The following GOLIM4 variants were observed in gnomAD, a reference collection of about 807,000 sequenced individuals.
GOLIM4 encodes the protein 130 kDa golgi-localized phosphoprotein.
In GOLIM4, 71 loss-of-function variants were observed where a neutral mutation model predicts 107.4. The observed-to-expected ratio is 0.66, with a 90% CI of 0.55 to 0.81. GOLIM4 has a LOEUF of 0.81. GOLIM4 is among the 30% of genes least tolerant of loss of function. GOLIM4 has a pLI of 0.00. For synonymous variants in GOLIM4, 327 were observed against 294.8 expected (o/e 1.11, Z -1.12); for missense variants, 830 against 826.1 (o/e 1.00, Z -0.06).
chr3:168,033,416 T>TA (rs908325228), intron 8 of GOLIM4, among the ~76,000 whole-genome samples: 3 of 149,688 alleles, frequency 2.0e-5, no homozygotes, highest in Non-Finnish European at 3.0e-5. Context: ...CCATCCTGGC[T>TA]AACACAGTGA....
chr3:168,030,567 A>T (rs1015495876), intron 9 of GOLIM4, among the ~76,000 whole-genome samples: 11 of 150,574 alleles, frequency 7.3e-5, no homozygotes, highest in African/African-American at 2.7e-4. Context: ...CAGATATTCA[A>T]TTTTTTTTCA....
chr3:168,028,023 T>C lies in GOLIM4; in HGVS notation c.1514-186A>G, dbSNP rs148304086. Reference sequence around the variant, plus strand: ...ATGTTCTCTTCACAGACTGTGTGTCTAGAGAGATGATATGGGTCAGACACT... The same window carrying C: ...ATGTTCTCTTCACAGACTGTGTGTCCAGAGAGATGATATGGGTCAGACACT... On this transcript the variant is annotated intron_variant, in intron 11 of 15. Coordinates refer to ENST00000470487, the MANE Select transcript of GOLIM4 (RefSeq NM_014498.5). Among the ~76,000 whole-genome samples, 23 of 152,324 alleles carry C rather than the reference T, an allele frequency of 1.5e-4. No individual in the cohort carries two copies. The East Asian group carries it at 4.0e-3, about 27-fold the overall frequency.
chr3:168,015,711 G>A (rs1369786411), intron 14 of GOLIM4, among the ~76,000 whole-genome samples: 1 of 135,818 alleles, frequency 7.4e-6, no homozygotes, highest in Non-Finnish European at 1.5e-5. Flanking sequence ...CAATGGAACA[G>A]AACAGAGCCC....
At chr3:168,060,548 C>T (rs1034273988) in intron 1 of GOLIM4, among the ~76,000 whole-genome samples, 2 of 152,086 alleles carry the variant, frequency 1.3e-5, no homozygotes, top group African/African-American at 2.4e-5. Flanking sequence ...GTTAGACTCC[C>T]AGAGGTTACA....
chr3:168,063,837 A>G (rs1720405640), intron 1 of GOLIM4, among the ~76,000 whole-genome samples: 1 of 152,114 alleles, frequency 6.6e-6, no homozygotes, highest in Non-Finnish European at 1.5e-5. Flanking sequence ...TACCCATGTA[A>G]CAAACCTGCA....
chr3:168,042,144 ACTAGACTACAAACTTGATTTGGG>A (rs1226652524), intron 5 of GOLIM4, among the ~76,000 whole-genome samples: 2 of 152,218 alleles, frequency 1.3e-5, no homozygotes, highest in African/African-American at 4.8e-5. Context: ...AGTACAGTGA[ACTAGACTACAAACTTGATTTGGG>A]CTTGACCACT....
At position 168,074,474 on chromosome 3, in the gene GOLIM4, T is replaced by C. The variant is rs547516061; in HGVS notation, c.187+20625A>G. On this transcript the variant is annotated intron_variant, in intron 1 of 15. Coordinates refer to ENST00000470487, the MANE Select transcript of GOLIM4 (RefSeq NM_014498.5). ...TTCCAGACAAAAATAAGGGCAGTTA[T>C]AAAGATCATGAGAAAGGCGTGAGCT... is the stretch of plus-strand genomic sequence containing the variant. 7.9e-5 allele frequency among the ~76,000 whole-genome samples: 12 copies of C among 152,132 alleles called. No homozygotes were observed. In the South Asian group the frequency reaches 2.5e-3, roughly 32 times the overall value.
chr3:168,054,204 T>A (rs1335605699), intron 1 of GOLIM4, among the ~76,000 whole-genome samples: 1 of 152,252 alleles, frequency 6.6e-6, no homozygotes, highest in Non-Finnish European at 1.5e-5. Flanking sequence ...GAATTTAATT[T>A]TTAATAAGCC....
intron 1 of GOLIM4, among the ~76,000 whole-genome samples, chr3:168,093,305 A>G (rs1247849291): frequency 6.6e-6 from 1 of 152,236 alleles, no homozygotes; most frequent in Non-Finnish European, 1.5e-5. Context: ...TCTCAGAAAG[A>G]CAAAAGTGCC....
chr3:168,041,120 A>T, intron 6 of GOLIM4: 1 of 508,322 alleles, frequency 2.0e-6, no homozygotes, highest in Non-Finnish European at 3.5e-6. Context: ...CAAATTTCTC[A>T]TTATTAGTAA....
At chr3:168,045,482 T>C (rs1186162997) in intron 3 of GOLIM4, among the ~76,000 whole-genome samples, 1 of 152,198 alleles carries the variant, frequency 6.6e-6, no homozygotes, top group African/African-American at 2.4e-5. Flanking sequence ...GATTGAAACT[T>C]GAGCCTAAGT....
intron 1 of GOLIM4, among the ~76,000 whole-genome samples, chr3:168,064,913 C>T (rs1268864920): frequency 2.6e-5 from 4 of 151,056 alleles, no homozygotes; most frequent in Non-Finnish European, 1.5e-5. Flanking sequence ...TAGATTAAAG[C>T]TACCGAATAT....
At chr3:168,046,500 ACT>A (rs2108250914) in intron 3 of GOLIM4, among the ~76,000 whole-genome samples, 1 of 152,060 alleles carries the variant, frequency 6.6e-6, no homozygotes, top group South Asian at 2.1e-4. Flanking sequence ...AGTGGTGATG[ACT>A]CTTAACGAGC....
Position 168,024,601 on chromosome 3 carries a change from G to A in GOLIM4, c.1792-7C>T. 4.3e-6 allele frequency: 7 copies of A among 1,609,826 alleles called. No homozygotes were observed. The highest frequency in any genetic ancestry group is 6.0e-6 in the Non-Finnish European group (7 of 1,176,170). On this transcript the variant is annotated splice_polypyrimidine_tract_variant and splice_region_variant and intron_variant, in intron 13 of 15. Coordinates refer to ENST00000470487, the MANE Select transcript of GOLIM4 (RefSeq NM_014498.5). ...GGTCTGGATTTCCTGCCATCTGTTG[G>A]AAACAAAAGGGCAGGTTCATGTTAC...
intron 14 of GOLIM4, among the ~76,000 whole-genome samples, chr3:168,013,367 C>T (rs1717169656): frequency 6.6e-6 from 1 of 152,054 alleles, no homozygotes; most frequent in Admixed American, 6.5e-5. Context: ...GCACCCAATA[C>T]AGGAGCACCA....
intron 1 of GOLIM4, among the ~76,000 whole-genome samples, chr3:168,074,673 T>G (rs1024344489): frequency 7.9e-5 from 12 of 152,038 alleles, no homozygotes; most frequent in Admixed American, 6.6e-4. Context: ...AAGATTGGGG[T>G]GAAAGCAGGA....
chr3:168,083,970 T>C (rs1721496379), intron 1 of GOLIM4, among the ~76,000 whole-genome samples: 1 of 152,194 alleles, frequency 6.6e-6, no homozygotes, highest in Non-Finnish European at 1.5e-5. Context: ...TTCACTTTTA[T>C]CTTCAGTGCT....
chr3:168,011,450 G>T (rs139865773), intron 14 of GOLIM4, among the ~76,000 whole-genome samples: 1 of 152,034 alleles, frequency 6.6e-6, no homozygotes. Context: ...ACTGCAAGGC[G>T]GCAGCAAGGC....
intron 2 of GOLIM4, among the ~76,000 whole-genome samples, chr3:168,047,621 A>G (rs181251562): frequency 1.3e-5 from 2 of 152,316 alleles, no homozygotes; most frequent in East Asian, 1.9e-4. Flanking sequence ...CAGACAGAAC[A>G]CGTAATTTAA....
Sources: allele counts gnomAD v4.1 joint callset (sites outside exome capture counted in the v4.1 genomes callset), GRCh38; gene constraint gnomAD v4.1.1; transcripts MANE v1.5; gene names NCBI Gene and HGNC (gene_info 2026-07-23, HGNC 2026-07-21).